Variants in MICAL3 observed in about 807,000 individuals in gnomAD.
MICAL3 encodes the protein [F-actin]-monooxygenase MICAL3.
MICAL3 carries 62 observed loss-of-function variants against 207.4 expected under a neutral mutation model. The observed-to-expected ratio is 0.30, with a 90% CI of 0.24 to 0.37. MICAL3 has a LOEUF of 0.37. Ranked by LOEUF, MICAL3 falls within the 10% of genes least tolerant of loss-of-function variation. MICAL3 has a pLI of 1.00. For synonymous variants in MICAL3, 1,077 were observed against 1,069.3 expected (o/e 1.01, Z -0.14); for missense variants, 2,368 against 2,635.6 (o/e 0.90, Z 2.22).
chr22:17,822,215 G>T, intron 23 of MICAL3, 45 bp from the exon 24 acceptor site: 1 of 1,582,064 alleles, frequency 6.3e-7, no homozygotes. Context: ...CCTAAGTGAG[G>T]CCAACTCCTT....
chr22:17,797,589 G>A (rs1468903854), intron 29 of MICAL3, among the ~76,000 whole-genome samples: 15 of 152,188 alleles, frequency 9.9e-5, no homozygotes, highest in Admixed American at 9.8e-4. Context: ...CTGTGTGGCG[G>A]TGGGTGCTGG....
chr22:18,002,072 C>A (rs1407888098), intron 1 of MICAL3, among the ~76,000 whole-genome samples: 1 of 151,968 alleles, frequency 6.6e-6, no homozygotes, highest in African/African-American at 2.4e-5. Context: ...GTTGCACGGG[C>A]CTGTAGTCCC....
intron 1 of MICAL3, among the ~76,000 whole-genome samples, chr22:17,916,370 C>G (rs1401942203): frequency 6.6e-6 from 1 of 152,174 alleles, no homozygotes; most frequent in Non-Finnish European, 1.5e-5. Flanking sequence ...CCCCACTGAA[C>G]TGTCTTCAGC....
intron 21 of MICAL3, among the ~76,000 whole-genome samples, chr22:17,829,489 G>A (rs1922563463): frequency 6.6e-6 from 1 of 152,172 alleles, no homozygotes; most frequent in Non-Finnish European, 1.5e-5. Flanking sequence ...CTTTCTTTAT[G>A]GTGCTGGGTG....
intron 1 of MICAL3, among the ~76,000 whole-genome samples, chr22:18,000,347 C>T (rs1922803502): frequency 1.3e-5 from 2 of 152,146 alleles, no homozygotes; most frequent in Non-Finnish European, 2.9e-5. Context: ...CATTAAACAC[C>T]ATTAAAAGAA....
intron 29 of MICAL3, among the ~76,000 whole-genome samples, chr22:17,807,247 C>A (rs980401911): frequency 6.6e-6 from 1 of 152,260 alleles, no homozygotes; most frequent in African/African-American, 2.4e-5. Context: ...GCCCCATAGG[C>A]CCGGACGCAG....
intron 19 of MICAL3, among the ~76,000 whole-genome samples, chr22:17,859,787 T>C (rs1184106080): frequency 5.9e-5 from 9 of 152,182 alleles, no homozygotes; most frequent in Non-Finnish European, 1.3e-4. Flanking sequence ...TATGTCCCTA[T>C]GGTTGACCAG....
At chr22:17,845,340 G>T (rs1405622393) in intron 19 of MICAL3, among the ~76,000 whole-genome samples, 1 of 152,140 alleles carries the variant, frequency 6.6e-6, no homozygotes, top group African/African-American at 2.4e-5. Flanking sequence ...GTAACGTGGG[G>T]AACGCATACT....
In MICAL3 at chr22:17,818,131, C is replaced by G; in HGVS notation, c.4530G>C (p.Arg1510=). Residue 1510 remains arginine (R), a synonymous_variant, in exon 26 of 32, where the codon CGG becomes CGC. Transcript: ENST00000441493. ...EPAQPPREEV[R]KSFVESVEEI... is the part of the protein sequence containing the mutation. ...CCTCCACGCTCTCCACAAACGACTT[C>G]CGCACCTCCTCTCTGGGGGGCTGAG... 6.2e-7 allele frequency: 1 copy of G among 1,610,280 alleles called. No individual in the cohort carries two copies. Among genetic ancestry groups the G allele is most frequent in the Non-Finnish European group, 8.5e-7 (1 of 1,178,698 alleles).
chr22:17,946,578 C>T (rs1934077828), intron 1 of MICAL3, among the ~76,000 whole-genome samples: 3 of 152,174 alleles, frequency 2.0e-5, no homozygotes, highest in Admixed American at 1.3e-4. Context: ...CTTAGCGCCA[C>T]ACACATGCAG....
rs1168636900 is a variant in MICAL3 at position 17,787,828 on chromosome 22, G to C, written c.*2904C>G. ...AAATCGGCCTGAGGATGGCCGCCAGGGACAGAGGCCTGAAGGCATCATCTG... is the reference window on the plus strand; with the variant it reads ...AAATCGGCCTGAGGATGGCCGCCAGCGACAGAGGCCTGAAGGCATCATCTG... On this transcript the variant is annotated 3_prime_UTR_variant, in exon 32 of 32. Coordinates refer to ENST00000441493, the MANE Select transcript of MICAL3 (RefSeq NM_015241.3). 4 of 152,264 alleles carry C rather than the reference G, an allele frequency of 2.6e-5. No homozygotes were observed. The highest frequency in any genetic ancestry group is 4.4e-5 in the Non-Finnish European group (3 of 68,048). The allele number at this position is 152,264 out of a possible 1,614,324, so 9.4% of individuals were successfully genotyped here. A position where few individuals can be genotyped will look rare whatever the true frequency, so the allele number is the denominator to read the frequency against.
At position 17,871,898 on chromosome 22, in the gene MICAL3, G is replaced by T; in HGVS notation, c.2367C>A (p.Phe789Leu). The T allele has an allele frequency of 6.2e-7, 1 of 1,611,702 alleles. No individual in the cohort carries two copies. Among genetic ancestry groups the T allele is most frequent in the South Asian group, 1.1e-5 (1 of 90,308 alleles). Reference protein sequence around the residue: ...AEGKFFHRSCFKCEYCATTLR... With the variant: ...AEGKFFHRSCLKCEYCATTLR... ...GGGTGGTGGCGCAGTACTCGCACTT[G>T]AAGCAGCTCCGGTGGAAGAACTTGC... Residue 789 changes from phenylalanine to leucine, a missense_variant, in exon 17 of 32, where the codon TTC (phenylalanine) becomes TTA (leucine). By Grantham distance (22) the Phe-to-Leu change is conservative. This residue lies in a region of MICAL3 where 1,770 missense variants were observed against 1,863.2 expected (regional missense o/e 0.95). Transcript: ENST00000441493.
At chr22:17,851,614 A>C (rs1248473545) in intron 19 of MICAL3, among the ~76,000 whole-genome samples, 1 of 152,218 alleles carries the variant, frequency 6.6e-6, no homozygotes, top group Admixed American at 6.5e-5. Flanking sequence ...TCCTGATCTT[A>C]ACACAGAGAC....
intron 19 of MICAL3, among the ~76,000 whole-genome samples, chr22:17,856,170 T>C (rs1925865433): frequency 6.6e-6 from 1 of 152,202 alleles, no homozygotes; most frequent in African/African-American, 2.4e-5. Context: ...TGTGAGTGAG[T>C]ATGGCAAGGG....
chr22:17,901,786 T>C lies in MICAL3; in HGVS notation c.691+92A>G, dbSNP rs1054901443. On this transcript the variant is annotated intron_variant, in intron 5 of 31. Coordinates refer to ENST00000441493, the MANE Select transcript of MICAL3 (RefSeq NM_015241.3). ...GCACACATTCAGGCTCTCAAAAGGG[T>C]GGACGCTGGTCACGCACAGTCTCGC... The C allele has an allele frequency of 2.6e-5, 23 of 889,624 alleles. No individual in the cohort carries two copies. In the African/African-American group the frequency reaches 3.5e-4, roughly 13 times the overall value. The allele number at this position is 889,624 out of a possible 1,614,324, so 55.1% of individuals were successfully genotyped here.
intron 19 of MICAL3, among the ~76,000 whole-genome samples, chr22:17,843,958 T>C (rs1924351384): frequency 1.3e-5 from 2 of 152,140 alleles, no homozygotes; most frequent in South Asian, 4.1e-4. Flanking sequence ...GCCATTCTCC[T>C]GCCTCAGCCT....
At position 17,822,130 on chromosome 22, in the gene MICAL3, C is replaced by T; in HGVS notation, c.3348G>A (p.Glu1116=). The T allele has an allele frequency of 6.2e-7, 1 of 1,613,880 alleles. No individual in the cohort carries two copies. ...WSDSPSDADR[E]LRLPCPAEGE... The stretch of plus-strand genomic sequence containing the variant: ...CCTCAGCTGGGCACGGCAAACGCAG[C>T]TCTCTGTCAGCATCCGACGGGCTGT... The change falls in exon 24 of 32, where the codon GAG becomes GAA. Residue 1116 remains glutamate, a synonymous_variant. Coordinates refer to ENST00000441493, the MANE Select transcript of MICAL3 (RefSeq NM_015241.3).
At chr22:17,875,682 T>TAA (rs60415785) in intron 16 of MICAL3, 3,854 of 170,532 alleles carry the variant, frequency 0.023, 80 homozygotes, top group Middle Eastern at 0.059. Flanking sequence ...CCATGTATAG[T>TAA]AAAAAAAAAA....
At chr22:17,851,076 C>T (rs1925276932) in intron 19 of MICAL3, among the ~76,000 whole-genome samples, 2 of 152,220 alleles carry the variant, frequency 1.3e-5, no homozygotes, top group Admixed American at 1.3e-4. Flanking sequence ...TGCGCTCTAG[C>T]TGTCTACCTT....
Sources: allele counts gnomAD v4.1 joint callset (sites outside exome capture counted in the v4.1 genomes callset), GRCh38; gene constraint gnomAD v4.1.1; regional missense constraint gnomAD v4.1.1; transcripts MANE v1.5; gene names NCBI Gene and HGNC (gene_info 2026-07-23, HGNC 2026-07-21).